PIEZO2: variants seen among roughly 807,000 people sequenced by gnomAD.
PIEZO2 encodes the protein piezo-type mechanosensitive ion channel component 2.
A neutral mutation model predicts 337.3 loss-of-function variants in PIEZO2; 172 were observed. That is an observed-to-expected ratio of 0.51 (90% CI 0.45 to 0.58). The LOEUF (loss-of-function observed/expected upper bound fraction) is 0.58. Among genes scored for constraint, PIEZO2 ranks in the 20% least tolerant of loss-of-function variants. PIEZO2 has a pLI of 0.00. For missense variants in PIEZO2, 3,028 were observed against 3,391.3 expected (o/e 0.89, Z 2.66); for synonymous variants, 1,251 against 1,228.5 (o/e 1.02, Z -0.38).
In PIEZO2 at chr18:10,716,755, T is replaced by TCGCCCCTCCTCACATCCTTTATAAAA. The variant is rs2036026205; in HGVS notation, c.5090-940_5090-939insTTTTATAAAGGATGTGAGGAGGGGCG. Among the ~76,000 whole-genome samples, 1 of 152,162 alleles carries TCGCCCCTCCTCACATCCTTTATAAAA rather than the reference T, an allele frequency of 6.6e-6. No homozygotes were observed. Among genetic ancestry groups the TCGCCCCTCCTCACATCCTTTATAAAA allele is most frequent in the African/African-American group, 2.4e-5 (1 of 41,438 alleles). Reference sequence around the variant, plus strand: ...CTCTGTGTAGACATAAAGGGGAAGCTTGGCTCTGGAGGATGAAAGGCTTGG... The same window carrying TCGCCCCTCCTCACATCCTTTATAAAA: ...CTCTGTGTAGACATAAAGGGGAAGCTCGCCCCTCCTCACATCCTTTATAAAATGGCTCTGGAGGATGAAAGGCTTGG... On this transcript the variant is annotated intron_variant, in intron 37 of 55. Transcript: ENST00000674853. This position sits in a 1 kb window ranked among gnomAD's most constrained non-coding sequence, Gnocchi z 4.1.
chr18:10,839,825 T>C (rs2041136652), intron 7 of PIEZO2, among the ~76,000 whole-genome samples: 1 of 152,200 alleles, frequency 6.6e-6, no homozygotes, highest in Non-Finnish European at 1.5e-5. Flanking sequence ...AATCAATTTT[T>C]TGGAGGTGTG....
At position 10,716,990 on chromosome 18, in the gene PIEZO2, A is replaced by T. The variant is rs1191832949; in HGVS notation, c.5090-1174T>A. ...CCTGGGTGACGACTCACCAACAGGG[A>T]AAGTGAGGACTCGACTTTAACCACA... is the stretch of plus-strand genomic sequence containing the variant. On this transcript the variant is annotated intron_variant, in intron 37 of 55. Transcript: ENST00000674853. The surrounding 1 kb of genome is among the most constrained non-coding windows in gnomAD (Gnocchi z 4.1). 3.9e-5 allele frequency among the ~76,000 whole-genome samples: 6 copies of T among 152,172 alleles called. No homozygotes were observed. The highest frequency in any genetic ancestry group is 8.8e-5 in the Non-Finnish European group (6 of 68,038).
At chr18:10,842,054 C>G (rs115874077) in intron 7 of PIEZO2, among the ~76,000 whole-genome samples, 235 of 149,048 alleles carry the variant, frequency 1.6e-3, no homozygotes, top group Non-Finnish European at 2.9e-3. Flanking sequence ...TACTCTGAGG[C>G]AGGAGAATTG....
chr18:10,857,153 C>A lies in PIEZO2; in HGVS notation c.551G>T (p.Gly184Val). ...EALIYEEDFN[G>V]GDGVEGELEE... ...CAACTCGCCTTCAACACCATCTCCT[C>A]CATTGAAATCCTCTTCATAGATCAG... is the stretch of plus-strand genomic sequence containing the variant. Residue 184 changes from glycine to valine, a missense_variant, in exon 6 of 56, where the codon GGA (glycine) becomes GTA (valine). Gly to Val is a moderately radical substitution (Grantham distance 109, BLOSUM62 -3). This residue lies in a region of PIEZO2 where 542 missense variants were observed against 605.6 expected (regional missense o/e 0.89). Coordinates refer to ENST00000674853, the MANE Select transcript of PIEZO2 (RefSeq NM_001378183.1). The A allele has an allele frequency of 2.6e-6, 4 of 1,537,894 alleles. No individual in the cohort carries two copies. The highest frequency in any genetic ancestry group is 3.5e-6 in the Non-Finnish European group (4 of 1,147,054).
chr18:10,740,928 T>A (rs917110745), intron 33 of PIEZO2, 103 bp downstream of exon 33: 1 of 1,217,550 alleles, frequency 8.2e-7, no homozygotes, highest in African/African-American at 1.5e-5. Context: ...GTCACAAGGA[T>A]CAAACCATGC....
chr18:10,987,146 CA>C (rs1274560371), intron 2 of PIEZO2, among the ~76,000 whole-genome samples: 1 of 152,018 alleles, frequency 6.6e-6, no homozygotes, highest in Non-Finnish European at 1.5e-5. Context: ...AAGGAATCTA[CA>C]GATTCAATGC....
chr18:10,796,678 G>A (rs72986068), intron 12 of PIEZO2, among the ~76,000 whole-genome samples: 42,560 of 152,134 alleles, frequency 0.28, 6,974 homozygotes, highest in Middle Eastern at 0.41. Flanking sequence ...GCAGCTGACC[G>A]TTCTCTGCCA....
chr18:10,682,034 A>G lies in PIEZO2; in HGVS notation c.7686+70T>C. 1 of 1,414,350 alleles carries G rather than the reference A, an allele frequency of 7.1e-7. No individual in the cohort carries two copies. Among genetic ancestry groups the G allele is most frequent in the Non-Finnish European group, 9.4e-7 (1 of 1,060,566 alleles). The allele number at this position is 1,414,350 out of a possible 1,614,324, so 87.6% of individuals were successfully genotyped here. A position where few individuals can be genotyped will look rare whatever the true frequency, so the allele number is the denominator to read the frequency against. Reference sequence around the variant, plus strand: ...TCGGCAGCCCATGACTAAACACCCTACAGACAGCTATCATAAAGGAATGTG... The same window carrying G: ...TCGGCAGCCCATGACTAAACACCCTGCAGACAGCTATCATAAAGGAATGTG... On this transcript the variant is annotated intron_variant, in intron 50 of 55. Coordinates refer to ENST00000674853, the MANE Select transcript of PIEZO2 (RefSeq NM_001378183.1). This position sits in a 1 kb window ranked among gnomAD's most constrained non-coding sequence, Gnocchi z 5.6.
chr18:11,091,402 A>T (rs898129036), intron 1 of PIEZO2, among the ~76,000 whole-genome samples: 2 of 151,524 alleles, frequency 1.3e-5, no homozygotes, highest in Non-Finnish European at 2.9e-5. Flanking sequence ...AAAAAAAAGA[A>T]AAAAAGAAAA....
intron 21 of PIEZO2, among the ~76,000 whole-genome samples, chr18:10,764,423 C>T (rs1170021566): frequency 1.3e-5 from 2 of 151,872 alleles, no homozygotes; most frequent in Admixed American, 6.6e-5. Context: ...GGGTGGATCA[C>T]GAGGTCAGGA....
At chr18:10,729,146 T>G (rs1335536235) in intron 36 of PIEZO2, among the ~76,000 whole-genome samples, 2 of 152,066 alleles carry the variant, frequency 1.3e-5, no homozygotes, top group Non-Finnish European at 2.9e-5. Flanking sequence ...TTCCAGCAAT[T>G]GTGTATTAAT....
chr18:10,886,487 C>CATATATATATATATGTATATATAT, intron 4 of PIEZO2, among the ~76,000 whole-genome samples: 3 of 45,890 alleles, frequency 6.5e-5, no homozygotes, highest in Admixed American at 2.9e-4. Context: ...ATATCCAAAC[C>CATATATATATATATGTATATATAT]ATATATATAT....
At position 10,795,341 on chromosome 18, in the gene PIEZO2, ATT is replaced by A. The variant is rs1370592159; in HGVS notation, c.1528-341_1528-340del. Among the ~76,000 whole-genome samples the A allele has an allele frequency of 0.022, 472 of 21,660 alleles. 5 individuals are homozygous for A. The highest frequency in any genetic ancestry group is 0.063 in the African/African-American group (449 of 7,078). The allele number at this position is 21,660 out of a possible 152,430, so 14.2% of individuals were successfully genotyped here. ...ATTTTATTTTATTTTATTTTATTTT[ATT>A]TTATTTTATTATTTTATTTTATTTT... On this transcript the variant is annotated intron_variant, in intron 12 of 55. Transcript: ENST00000674853. The surrounding 1 kb of genome is among the most constrained non-coding windows in gnomAD (Gnocchi z 4.4).
intron 49 of PIEZO2, among the ~76,000 whole-genome samples, chr18:10,683,023 T>G (rs1318560548): frequency 1.3e-5 from 2 of 152,236 alleles, no homozygotes; most frequent in Non-Finnish European, 2.9e-5. Flanking sequence ...CTGTCTGGCA[T>G]TGAACCTGCT....
At chr18:10,729,610 C>T (rs565030579) in intron 36 of PIEZO2, among the ~76,000 whole-genome samples, 74 of 120,806 alleles carry the variant, frequency 6.1e-4, no homozygotes, top group African/African-American at 2.4e-3. Flanking sequence ...TGTGACACAG[C>T]GAGACTCTGT....
chr18:10,704,289 G>A, intron 42 of PIEZO2, 105 bp downstream of exon 42: 1 of 1,384,990 alleles, frequency 7.2e-7, no homozygotes, highest in African/African-American at 1.4e-5. Context: ...GAAACTGTCT[G>A]GGATCAGGGC....
intron 4 of PIEZO2, among the ~76,000 whole-genome samples, chr18:10,873,876 C>T (rs1265771208): frequency 1.3e-5 from 2 of 151,920 alleles, no homozygotes; most frequent in Non-Finnish European, 2.9e-5. Context: ...TAGAAAAAAA[C>T]ACTGTGGAAA....
intron 2 of PIEZO2, among the ~76,000 whole-genome samples, chr18:11,020,750 G>A (rs2036280844): frequency 6.6e-6 from 1 of 152,100 alleles, no homozygotes; most frequent in East Asian, 1.9e-4. Flanking sequence ...ACAATTAGCT[G>A]GTCTCACTAA....
rs554770744 is a variant in PIEZO2, at chr18:10,821,137, T to G, written c.918-13863A>C. ...TGTGCCACAAATATCAGCCTTCTCA[T>G]CCTCTCCAAATTCCCATCTTCAGCT... is the stretch of plus-strand genomic sequence containing the variant. On this transcript the variant is annotated intron_variant, in intron 7 of 55. Coordinates refer to ENST00000674853, the MANE Select transcript of PIEZO2 (RefSeq NM_001378183.1). This position sits in a 1 kb window ranked among gnomAD's most constrained non-coding sequence, Gnocchi z 4.2. Among the ~76,000 whole-genome samples the G allele has an allele frequency of 4.6e-5, 7 of 152,208 alleles. No individual in the cohort carries two copies. The East Asian group carries it at 1.4e-3, about 29-fold the overall frequency.
Sources: gnomAD v4.1 joint callset for allele counts (sites outside exome capture counted in the v4.1 genomes callset) on GRCh38, gnomAD v4.1.1 for gene constraint, gnomAD v4.1.1 regional missense constraint, Gnocchi (gnomAD v3.1) non-coding constraint, MANE v1.5 for transcripts, NCBI Gene and HGNC (gene_info 2026-07-23, HGNC 2026-07-21) for gene names.